The following HLCS variants were observed in gnomAD, a reference collection of about 807,000 sequenced individuals.
HLCS encodes biotin--protein ligase.
HLCS carries 53 observed loss-of-function variants against 75.0 expected under a neutral mutation model. The observed-to-expected ratio is 0.71, with a 90% confidence interval of 0.57 to 0.89. The LOEUF (loss-of-function observed/expected upper bound fraction) is 0.89. HLCS is among the 40% of genes least tolerant of loss of function. The probability of loss-of-function intolerance (pLI) is 0.00; values close to 1 mark genes in which losing one functional copy is unlikely to be tolerated. For synonymous variants in HLCS, 431 were observed against 428.6 expected, an observed-to-expected ratio of 1.01 and a Z score of -0.07; for missense variants, 966 against 1,074.0, an observed-to-expected ratio of 0.90 and a Z score of 1.41.
intron 5 of HLCS, among the ~76,000 whole-genome samples, chr21:36,915,257 A>G (rs896477638): frequency 4.6e-5 from 7 of 152,240 alleles, no homozygotes; most frequent in African/African-American, 1.7e-4. Context: ...AAACGAGAAC[A>G]TCTCTCTCTG....
upstream of HLCS, among the ~76,000 whole-genome samples, chr21:36,970,104 C>A (rs958873693): frequency 2.6e-5 from 4 of 152,184 alleles, no homozygotes; most frequent in African/African-American, 9.6e-5. Context: ...ACTGTCCTAT[C>A]CCCCATTAAA....
At chr21:36,865,184 G>A (rs17228899) in intron 6 of HLCS, among the ~76,000 whole-genome samples, 5 of 151,728 alleles carry the variant, frequency 3.3e-5, no homozygotes, top group East Asian at 1.9e-4. Context: ...CTGCTCGGGC[G>A]GATCAATCTC....
chr21:36,967,452 A>T (rs2068656134), upstream of HLCS, among the ~76,000 whole-genome samples: 1 of 152,206 alleles, frequency 6.6e-6, no homozygotes, highest in South Asian at 2.1e-4. Context: ...GACTGTAAGC[A>T]TCCTAACACC....
chr21:36,763,672 A>G (rs1210838163), intron 8 of HLCS, among the ~76,000 whole-genome samples: 4 of 152,176 alleles, frequency 2.6e-5, no homozygotes, highest in Non-Finnish European at 1.5e-5. Flanking sequence ...ATTTCTCTTT[A>G]GCCTGACATA....
In HLCS at chr21:36,930,398, C is replaced by A. The variant is rs367611748; in HGVS notation, c.1473G>T (p.Val491=). 6.2e-7 allele frequency: 1 copy of A among 1,614,086 alleles called. No individual in the cohort carries two copies. The change falls in exon 5 of 11, where the codon GTG becomes GTT. Residue 491 remains valine (V), a synonymous_variant. Coordinates refer to ENST00000674895, the MANE Select transcript of HLCS (RefSeq NM_001352514.2). ...GCAAGTTAAAATCTTCTGGAGTTTGCACTATGTTGGAGCTGGGAGGTAGTT... is the reference window on the plus strand; with the variant it reads ...GCAAGTTAAAATCTTCTGGAGTTTGAACTATGTTGGAGCTGGGAGGTAGTT... ...HLELPPSSNI[V]QTPEDFNLLK...
At position 36,897,112 on chromosome 21, in the gene HLCS, A is replaced by T; in HGVS notation, c.1640T>A (p.Met547Lys). The T allele has an allele frequency of 6.2e-7, 1 of 1,614,176 alleles. No individual in the cohort carries two copies. Among genetic ancestry groups the T allele is most frequent in the Non-Finnish European group, 8.5e-7 (1 of 1,180,030 alleles). ...SAAEEIRDPL[M>K]QWLGKHVDSE... ...GTCCACATGTTTCCCAAGCCACTGC[A>T]TAAGAGGATCCCTGATTTCCTGTGT... Residue 547 changes from methionine to lysine, a missense_variant, in exon 6 of 11, where the codon ATG becomes AAG. Coordinates refer to ENST00000674895, the MANE Select transcript of HLCS (RefSeq NM_001352514.2).
chr21:36,816,540 T>C (rs904151976), intron 6 of HLCS, among the ~76,000 whole-genome samples: 2 of 152,214 alleles, frequency 1.3e-5, no homozygotes, highest in East Asian at 1.9e-4. Flanking sequence ...CTACTTTGCA[T>C]GAAGCTCTGA....
At chr21:36,846,486 G>A (rs1050457214) in intron 6 of HLCS, among the ~76,000 whole-genome samples, 3 of 151,862 alleles carry the variant, frequency 2.0e-5, no homozygotes, top group Non-Finnish European at 2.9e-5. Flanking sequence ...GTTTATTTTC[G>A]GGGGGAGGTA....
chr21:36,874,490 T>C (rs891159170), intron 6 of HLCS, among the ~76,000 whole-genome samples: 3 of 152,084 alleles, frequency 2.0e-5, no homozygotes, highest in Non-Finnish European at 2.9e-5. Context: ...TTCTGCTCTA[T>C]TGTTCTATTT....
chr21:36,806,812 C>T (rs2061375117), intron 6 of HLCS, among the ~76,000 whole-genome samples: 3 of 152,154 alleles, frequency 2.0e-5, no homozygotes, highest in Admixed American at 1.3e-4. Context: ...TTTCCGTGTG[C>T]CTGGAGTCTG....
intron 6 of HLCS, among the ~76,000 whole-genome samples, chr21:36,788,759 T>C (rs1212489906): frequency 6.6e-6 from 1 of 152,202 alleles, no homozygotes; most frequent in Non-Finnish European, 1.5e-5. Flanking sequence ...GAATAACTTC[T>C]TTGGTAAAGA....
intron 6 of HLCS, among the ~76,000 whole-genome samples, chr21:36,861,168 T>C (rs2063368945): frequency 6.6e-6 from 1 of 152,088 alleles, no homozygotes; most frequent in African/African-American, 2.4e-5. Flanking sequence ...ACCTACCTTT[T>C]AGCACAGGCG....
At chr21:36,770,419 T>C (rs2060169442) in intron 6 of HLCS, among the ~76,000 whole-genome samples, 1 of 152,152 alleles carries the variant, frequency 6.6e-6, no homozygotes, top group Non-Finnish European at 1.5e-5. Context: ...AGTGCTGGGA[T>C]TACAGGTGTA....
chr21:36,886,358 G>A (rs1384017368), intron 6 of HLCS, among the ~76,000 whole-genome samples: 4 of 150,204 alleles, frequency 2.7e-5, no homozygotes, highest in Admixed American at 1.3e-4. Context: ...GCGTGAACCC[G>A]GAAGGCAGAG....
chr21:36,964,559 T>C (rs1308916843), intron 1 of HLCS, among the ~76,000 whole-genome samples: 1 of 152,162 alleles, frequency 6.6e-6, no homozygotes, highest in African/African-American at 2.4e-5. Flanking sequence ...GGCCATCCCA[T>C]CTAGTCTGGA....
At chr21:36,798,158 G>C (rs1569024768) in intron 6 of HLCS, among the ~76,000 whole-genome samples, 1 of 152,156 alleles carries the variant, frequency 6.6e-6, no homozygotes, top group East Asian at 1.9e-4. Flanking sequence ...CTTGACCTGA[G>C]GCCCAACGAG....
intron 6 of HLCS, among the ~76,000 whole-genome samples, chr21:36,774,690 C>T (rs1339561094): frequency 6.6e-6 from 1 of 152,216 alleles, no homozygotes; most frequent in African/African-American, 2.4e-5. Context: ...CTTCTACCTA[C>T]ACACACTAAG....
At chr21:36,825,299 G>A (rs1032113257) in intron 6 of HLCS, among the ~76,000 whole-genome samples, 1 of 152,014 alleles carries the variant, frequency 6.6e-6, no homozygotes, top group Non-Finnish European at 1.5e-5. Context: ...GAGGCGGGAG[G>A]ATCACTTGAG....
At chr21:36,845,624 G>A (rs2062771355) in intron 6 of HLCS, among the ~76,000 whole-genome samples, 1 of 152,134 alleles carries the variant, frequency 6.6e-6, no homozygotes, top group Admixed American at 6.6e-5. Context: ...CCCACTTGCT[G>A]CTCAAAAATT....
Sources: gnomAD v4.1 joint callset for allele counts (sites outside exome capture counted in the v4.1 genomes callset) on GRCh38, gnomAD v4.1.1 for gene constraint, MANE v1.5 for transcripts, NCBI Gene and HGNC (gene_info 2026-07-23, HGNC 2026-07-21) for gene names.